The following SPICE1 variants were observed in gnomAD, a reference collection of about 807,000 sequenced individuals.
SPICE1 encodes spindle and centriole associated protein 1.
Under a neutral mutation model 102.7 loss-of-function variants are expected in SPICE1, and 75 were observed. That is an observed-to-expected ratio of 0.73 (90% CI 0.61 to 0.88). SPICE1 has a LOEUF of 0.88. SPICE1 is among the 40% of genes least tolerant of loss of function. The probability of loss-of-function intolerance (pLI) is 0.00; values close to 1 mark genes in which losing one functional copy is unlikely to be tolerated. For missense variants in SPICE1, 979 were observed against 1,020.1 expected (o/e 0.96, Z 0.55); for synonymous variants, 308 against 350.3 (o/e 0.88, Z 1.35).
In SPICE1 at chr3:113,458,188, TCC is replaced by T. The variant is rs1273345242; in HGVS notation, c.1436-833_1436-832del. 2.0e-3 allele frequency among the ~76,000 whole-genome samples: 139 copies of T among 69,192 alleles called. 1 individual carries two copies. Among genetic ancestry groups the T allele is most frequent in the Admixed American group, 0.014 (134 of 9,566 alleles). The allele number at this position is 69,192 out of a possible 152,430, so 45.4% of individuals were successfully genotyped here. The stretch of plus-strand genomic sequence containing the variant: ...CCCTCTCCCGTCTCCCTCTCCCGTC[TCC>T]CTCTCCCGTCTCCCTCTCCCGTCTC... On this transcript the variant is annotated intron_variant, in intron 12 of 17. Transcript: ENST00000295872.
chr3:113,472,922 C>T (rs1936242303), intron 7 of SPICE1, among the ~76,000 whole-genome samples: 1 of 152,120 alleles, frequency 6.6e-6, no homozygotes, highest in Admixed American at 6.5e-5. Context: ...ACCAACGGAA[C>T]AAAGCTGGAA....
chr3:113,503,799 G>A (rs1490682592), intron 2 of SPICE1, among the ~76,000 whole-genome samples: 1 of 152,032 alleles, frequency 6.6e-6, no homozygotes, highest in Non-Finnish European at 1.5e-5. Flanking sequence ...CAGACCTGGT[G>A]GCGGGCACCT....
At chr3:113,479,430 A>C (rs1379038024) in intron 7 of SPICE1, among the ~76,000 whole-genome samples, 1 of 152,002 alleles carries the variant, frequency 6.6e-6, no homozygotes. Context: ...GTGCCGCAAT[A>C]AACATACGTG....
chr3:113,473,438 C>T (rs1036418309), intron 7 of SPICE1, among the ~76,000 whole-genome samples: 1 of 152,076 alleles, frequency 6.6e-6, no homozygotes, highest in Non-Finnish European at 1.5e-5. Flanking sequence ...ACAGAGAACA[C>T]CACAAAGATA....
intron 4 of SPICE1, 63 bp downstream of exon 4, chr3:113,499,376 A>G (rs1346020369): frequency 6.5e-7 from 1 of 1,530,864 alleles, no homozygotes; most frequent in African/African-American, 1.4e-5. Context: ...CAAATTGAAG[A>G]AAAACAAAGA....
In SPICE1 at chr3:113,509,693, C is replaced by A. The variant is rs551550176; in HGVS notation, c.1-3088G>T. Among the ~76,000 whole-genome samples the A allele has an allele frequency of 3.9e-5, 6 of 152,266 alleles. No homozygotes were observed. The East Asian group carries it at 9.6e-4, about 24-fold the overall frequency. On this transcript the variant is annotated intron_variant, in intron 1 of 17. Coordinates refer to ENST00000295872, the MANE Select transcript of SPICE1 (RefSeq NM_144718.4). ...TAATTAAATATATAAGTGCTTAGAA[C>A]CCCTGCTGATATGGTTTGGCTGAGT...
At chr3:113,473,420 C>A (rs1936256148) in intron 7 of SPICE1, among the ~76,000 whole-genome samples, 1 of 152,072 alleles carries the variant, frequency 6.6e-6, no homozygotes, top group Admixed American at 6.6e-5. Context: ...CATTCAGATT[C>A]AGGAAATACA....
intron 12 of SPICE1, chr3:113,459,905 A>G (rs963349182): frequency 6.9e-5 from 68 of 984,490 alleles, no homozygotes; most frequent in Non-Finnish European, 8.1e-5. Context: ...AAAAAAAAAT[A>G]GCAAGACTCC....
At chr3:113,446,311 TA>T (rs3841612) in intron 17 of SPICE1, among the ~76,000 whole-genome samples, 6,198 of 152,274 alleles carry the variant, frequency 0.041, 150 homozygotes, top group East Asian at 0.1. Context: ...TGTCCTGCCG[TA>T]AATATATGGG....
chr3:113,466,608 CAA>C (rs540786121), intron 10 of SPICE1, among the ~76,000 whole-genome samples: 6,199 of 101,350 alleles, frequency 0.061, 143 homozygotes, highest in East Asian at 0.14. Flanking sequence ...GACTCTGTCT[CAA>C]AAAAAAAAAA....
intron 6 of SPICE1, among the ~76,000 whole-genome samples, chr3:113,492,773 C>T (rs997164391): frequency 1.3e-5 from 2 of 152,124 alleles, no homozygotes; most frequent in Non-Finnish European, 2.9e-5. Context: ...AAGAAATCAG[C>T]TCAAGAACAA....
At chr3:113,471,700 T>C (rs182438205) in intron 7 of SPICE1, among the ~76,000 whole-genome samples, 14 of 151,814 alleles carry the variant, frequency 9.2e-5, no homozygotes, top group Non-Finnish European at 1.6e-4. Flanking sequence ...CAAAGCAAAA[T>C]ATATAACTAA....
chr3:113,483,789 T>C (rs1467240411), intron 7 of SPICE1, among the ~76,000 whole-genome samples: 2 of 152,344 alleles, frequency 1.3e-5, no homozygotes, highest in African/African-American at 2.4e-5. Flanking sequence ...CAGTATTTTA[T>C]TGAGGATTTT....
chr3:113,469,130 T>C lies in SPICE1; in HGVS notation c.720A>G (p.Pro240=), dbSNP rs1576629948. ...GCTCCCCTGATGAAAGAGCAGATGA[T>C]GGCGTTCCTGGAGGAGTTATTTGTG... The part of the protein sequence containing the change: ...TQSQITPPGT[P]SSALSSGEQR... The change falls in exon 8 of 18, where the codon CCA becomes CCG. Residue 240 remains proline, a synonymous_variant. Coordinates refer to ENST00000295872, the MANE Select transcript of SPICE1 (RefSeq NM_144718.4). 6 of 1,613,758 alleles carry C rather than the reference T, an allele frequency of 3.7e-6. No homozygotes were observed. The East Asian group carries it at 8.9e-5, about 24-fold the overall frequency.
intron 7 of SPICE1, among the ~76,000 whole-genome samples, chr3:113,480,300 T>A (rs1249168386): frequency 6.6e-6 from 1 of 151,418 alleles, no homozygotes; most frequent in East Asian, 1.9e-4. Flanking sequence ...ATAGTCTCAG[T>A]GCTATATAAA....
chr3:113,482,549 C>T (rs1280548616), intron 7 of SPICE1, among the ~76,000 whole-genome samples: 4 of 152,148 alleles, frequency 2.6e-5, no homozygotes, highest in Non-Finnish European at 4.4e-5. Context: ...TCAGGTCTTA[C>T]GTTTAACTCT....
At chr3:113,475,351 AG>A (rs1318092706) in intron 7 of SPICE1, among the ~76,000 whole-genome samples, 1 of 152,216 alleles carries the variant, frequency 6.6e-6, no homozygotes, top group African/African-American at 2.4e-5. Flanking sequence ...ATTCTACCAG[AG>A]GTACAAGGAG....
chr3:113,471,965 C>A (rs559544841), intron 7 of SPICE1, among the ~76,000 whole-genome samples: 10 of 152,232 alleles, frequency 6.6e-5, no homozygotes, highest in Middle Eastern at 3.4e-3. Flanking sequence ...GTGCACCGTG[C>A]GCGAGCCGAA....
At chr3:113,507,413 C>T (rs945374812) in intron 1 of SPICE1, among the ~76,000 whole-genome samples, 1 of 152,066 alleles carries the variant, frequency 6.6e-6, no homozygotes, top group Non-Finnish European at 1.5e-5. Context: ...TAAATAATTA[C>T]AGGACTTTCC....
Sources: allele counts gnomAD v4.1 joint callset (sites outside exome capture counted in the v4.1 genomes callset), GRCh38; gene constraint gnomAD v4.1.1; transcripts MANE v1.5; gene names NCBI Gene and HGNC (gene_info 2026-07-23, HGNC 2026-07-21).